CCDC63: variants seen among roughly 807,000 people sequenced by gnomAD.
CCDC63 encodes the protein coiled-coil domain-containing protein 63.
In CCDC63, 54 loss-of-function variants were observed where a neutral mutation model predicts 63.6. That is an observed-to-expected ratio of 0.85 (90% CI 0.68 to 1.07). The LOEUF is 1.07. Ranked by LOEUF, CCDC63 falls within the 50% of genes least tolerant of loss-of-function variation. The pLI, the probability that CCDC63 is intolerant of heterozygous loss-of-function variation, is 0.00. For synonymous variants in CCDC63, 253 were observed against 266.1 expected, an observed-to-expected ratio of 0.95 and a Z score of 0.48; for missense variants, 637 against 689.6, an observed-to-expected ratio of 0.92 and a Z score of 0.86.
intron 11 of CCDC63, 78 bp downstream of exon 11, chr12:110,904,869 G>A: frequency 1.7e-6 from 2 of 1,185,208 alleles, no homozygotes; most frequent in East Asian, 4.8e-5. Context: ...GTGTCCAGGT[G>A]CCCGAGAGGG....
At chr12:110,854,625 G>A (rs1244380864) in intron 3 of CCDC63, among the ~76,000 whole-genome samples, 2 of 151,908 alleles carry the variant, frequency 1.3e-5, no homozygotes, top group African/African-American at 2.4e-5. Flanking sequence ...CAACAGAAAG[G>A]TGTTCCCTGG....
chr12:110,875,316 T>C (rs903824794), intron 5 of CCDC63, among the ~76,000 whole-genome samples: 12 of 152,238 alleles, frequency 7.9e-5, no homozygotes, highest in African/African-American at 2.9e-4. Context: ...CCAGAGAGAC[T>C]GAAGGTCCCA....
At chr12:110,893,323 C>T (rs868845186) in intron 9 of CCDC63, among the ~76,000 whole-genome samples, 173 bp downstream of exon 9, 32 of 152,324 alleles carry the variant, frequency 2.1e-4, no homozygotes, top group Middle Eastern at 3.4e-3. Flanking sequence ...CATGTCCTGA[C>T]GTTTTGTCCC....
At chr12:110,877,558 G>A (rs35695736) in intron 5 of CCDC63, among the ~76,000 whole-genome samples, 31,467 of 151,458 alleles carry the variant, frequency 0.21, 3,453 homozygotes, top group African/African-American at 0.25. Context: ...TCCTGATGTT[G>A]TACCTTAGGG....
In CCDC63 at chr12:110,893,144, G is replaced by T. The variant is rs2071378714; in HGVS notation, c.1143G>T (p.Gln381His). The change falls in exon 9 of 12, where the codon CAG becomes CAT. Residue 381 changes from glutamine to histidine, a missense_variant. Transcript: ENST00000308208. ...ATGACAACCACTCTGTCCTGAGACA[G>T]CTGGAGGTGAGAACAGGATCGGGAG... ...SHDDNHSVLR[Q>H]LEDKLRKTTE... is the part of the protein sequence containing the mutation. 6 of 1,613,760 alleles carry T rather than the reference G, an allele frequency of 3.7e-6. No homozygotes were observed. The highest frequency in any genetic ancestry group is 5.1e-6 in the Non-Finnish European group (6 of 1,179,686).
intron 5 of CCDC63, among the ~76,000 whole-genome samples, chr12:110,877,237 G>T (rs1593669670): frequency 6.7e-6 from 1 of 149,532 alleles, no homozygotes; most frequent in East Asian, 1.9e-4. Flanking sequence ...TTTTGAGACG[G>T]AGTCTGGCTC....
At chr12:110,902,697 T>C (rs778055328) in intron 10 of CCDC63, among the ~76,000 whole-genome samples, 42 of 152,212 alleles carry the variant, frequency 2.8e-4, no homozygotes, top group Admixed American at 9.8e-4. Context: ...TGATAGCAAA[T>C]TTTGGTTGCC....
At chr12:110,891,920 C>A (rs539276117) in intron 8 of CCDC63, among the ~76,000 whole-genome samples, 2 of 152,310 alleles carry the variant, frequency 1.3e-5, no homozygotes, top group African/African-American at 4.8e-5. Context: ...GGGACAGACT[C>A]CTAGGCATGA....
At chr12:110,870,722 C>T (rs1229010504) in intron 4 of CCDC63, among the ~76,000 whole-genome samples, 3 of 152,192 alleles carry the variant, frequency 2.0e-5, no homozygotes, top group Non-Finnish European at 4.4e-5. Flanking sequence ...CATCAATGAC[C>T]GCCCTGGTTG....
In CCDC63 at chr12:110,867,296, G is replaced by A. The variant is rs1275847288; in HGVS notation, c.370-6546G>A. On this transcript the variant is annotated intron_variant, in intron 4 of 11. Transcript: ENST00000308208. The stretch of plus-strand genomic sequence containing the variant: ...GGGCTCCTCACTTCCCAGTAGGGGC[G>A]GCCGGGCAGAGGCGCCCCTCACCTC... 4.7e-5 allele frequency among the ~76,000 whole-genome samples: 5 copies of A among 107,392 alleles called. 1 individual carries two copies. The highest frequency in any genetic ancestry group is 1.5e-4 in the African/African-American group (4 of 26,394). 70.5% of individuals were successfully genotyped at this position (107,392 alleles called of 152,430 possible). A position where few individuals can be genotyped will look rare whatever the true frequency, so the allele number is the denominator to read the frequency against.
At chr12:110,869,853 C>T (rs1490540546) in intron 4 of CCDC63, among the ~76,000 whole-genome samples, 1 of 152,146 alleles carries the variant, frequency 6.6e-6, no homozygotes, top group Non-Finnish European at 1.5e-5. Context: ...TAACATAATA[C>T]CCAACCAAGA....
At chr12:110,887,072 AAAAAAGTTTC>A (rs2071291683) in intron 8 of CCDC63, among the ~76,000 whole-genome samples, 1 of 152,090 alleles carries the variant, frequency 6.6e-6, no homozygotes, top group Non-Finnish European at 1.5e-5. Context: ...TCTTTTTATA[AAAAAAGTTTC>A]AAACTTTTAT....
intron 8 of CCDC63, among the ~76,000 whole-genome samples, chr12:110,886,084 C>T (rs1430880953): frequency 6.6e-6 from 1 of 152,110 alleles, no homozygotes; most frequent in Non-Finnish European, 1.5e-5. Flanking sequence ...CAGGAAACAG[C>T]ACAGCCAACA....
chr12:110,886,395 C>A (rs371675969), intron 8 of CCDC63, among the ~76,000 whole-genome samples: 1,940 of 148,842 alleles, frequency 0.013, 14 homozygotes, highest in Non-Finnish European at 0.017. Context: ...CAAAAAAAAC[C>A]AAAAAAAAAC....
In CCDC63 at chr12:110,899,067, C is replaced by G. The variant is rs1258712626; in HGVS notation, c.1284C>G (p.Ile428Met). ...AGATAAACTGTGACGCCACCAAGAT[C>G]CTGGTGCAGTTAGGGGAGACGGGGA... ...FKKINCDATK[I>M]LVQLGETGKV... The change falls in exon 10 of 12, where the codon ATC (isoleucine) becomes ATG (methionine). Residue 428 changes from isoleucine to methionine, a missense_variant. Transcript: ENST00000308208. 6.2e-7 allele frequency: 1 copy of G among 1,613,794 alleles called. No individual in the cohort carries two copies.
At chr12:110,892,816 C>T (rs931414851) in intron 8 of CCDC63, among the ~76,000 whole-genome samples, 1 of 124,390 alleles carries the variant, frequency 8.0e-6, no homozygotes, top group African/African-American at 3.5e-5. Flanking sequence ...GAGACTTCAT[C>T]TCAAAAAAAA....
chr12:110,855,664 C>T (rs2070761177), intron 3 of CCDC63, among the ~76,000 whole-genome samples: 1 of 152,318 alleles, frequency 6.6e-6, no homozygotes, highest in Admixed American at 6.5e-5. Flanking sequence ...TCACTGCAAC[C>T]TGTGCCTCCT....
rs910623659 is a variant in CCDC63 at position 110,895,032 on chromosome 12, C to T, written c.1149+1882C>T. Reference sequence around the variant, plus strand: ...CGGGTTCAAGCGATTCTCCTGCCTCCGCCCCCGAGTAGCTGGGATTACAGG... The same window carrying T: ...CGGGTTCAAGCGATTCTCCTGCCTCTGCCCCCGAGTAGCTGGGATTACAGG... On this transcript the variant is annotated intron_variant, in intron 9 of 11. Coordinates refer to ENST00000308208, the MANE Select transcript of CCDC63 (RefSeq NM_152591.3). Among the ~76,000 whole-genome samples, 3 of 147,206 alleles carry T rather than the reference C, an allele frequency of 2.0e-5. No individual in the cohort carries two copies. In the Admixed American group the frequency reaches 2.0e-4, roughly 10 times the overall value.
At chr12:110,884,285 C>G in intron 8 of CCDC63, 35 bp downstream of exon 8, 1 of 1,549,072 alleles carries the variant, frequency 6.5e-7, no homozygotes, top group Non-Finnish European at 8.9e-7. Context: ...GCCCTGGGCC[C>G]CTGTGTCCAC....
Sources: gnomAD v4.1 joint callset for allele counts (sites outside exome capture counted in the v4.1 genomes callset) on GRCh38, gnomAD v4.1.1 for gene constraint, MANE v1.5 for transcripts, NCBI Gene and HGNC (gene_info 2026-07-23, HGNC 2026-07-21) for gene names.